Variants in C15orf61 observed in about 807,000 individuals in gnomAD.
The protein encoded by C15orf61 is uncharacterized protein C15orf61.
In C15orf61, 12 loss-of-function variants were observed where a neutral mutation model predicts 13.7. That is an observed-to-expected ratio of 0.88 (90% CI 0.56 to 1.42). C15orf61 has a LOEUF of 1.42. C15orf61 is among the 40% of genes most tolerant of loss of function. The pLI, the probability that C15orf61 is intolerant of heterozygous loss-of-function variation, is 0.00. For missense variants in C15orf61, 248 were observed against 213.2 expected (o/e 1.16, Z -1.02); for synonymous variants, 92 against 94.1 (o/e 0.98, Z 0.13).
rs769695247 is a variant in C15orf61 at position 67,527,570 on chromosome 15, A to G, written c.*1025A>G. ...GTGTTTAAGATTTATGATCTCTCCC[A>G]TAATTACAAACATACATTATATATC... is the stretch of plus-strand genomic sequence containing the variant. On this transcript the variant is annotated 3_prime_UTR_variant, in exon 2 of 2. Transcript: ENST00000342683. The G allele has an allele frequency of 3.9e-5, 6 of 152,196 alleles. No homozygotes were observed. Among genetic ancestry groups the G allele is most frequent in the African/African-American group, 2.4e-5 (1 of 41,462 alleles). The allele number at this position is 152,196 out of a possible 1,614,324, so 9.4% of individuals were successfully genotyped here. A position where few individuals can be genotyped will look rare whatever the true frequency, so the allele number is the denominator to read the frequency against.
rs1042475384 is a variant in C15orf61 at position 67,528,047 on chromosome 15, G to C, written c.*1502G>C. ...TAATGGGCAAAGTTAAATAACTATA[G>C]CTCATAAGTTTTAAGTCAAATACTG... On this transcript the variant is annotated 3_prime_UTR_variant, in exon 2 of 2. Coordinates refer to ENST00000342683, the MANE Select transcript of C15orf61 (RefSeq NM_001143936.2). The C allele has an allele frequency of 6.6e-6, 1 of 152,200 alleles. No homozygotes were observed. Among genetic ancestry groups the C allele is most frequent in the Admixed American group, 6.5e-5 (1 of 15,284 alleles). The allele number at this position is 152,200 out of a possible 1,614,324, so 9.4% of individuals were successfully genotyped here. A position where few individuals can be genotyped will look rare whatever the true frequency, so the allele number is the denominator to read the frequency against.
Position 67,521,289 on chromosome 15 carries a change from T to C in C15orf61, c.41T>C (p.Leu14Pro). The C allele has an allele frequency of 6.8e-7, 1 of 1,480,032 alleles. No individual in the cohort carries two copies. Among genetic ancestry groups the C allele is most frequent in the Non-Finnish European group, 8.9e-7 (1 of 1,118,842 alleles). The allele number at this position is 1,480,032 out of a possible 1,614,324, so 91.7% of individuals were successfully genotyped here. ...LRRAHEVALR[L>P]LLCRPWASRA... Reference sequence around the variant, plus strand: ...AGGGCCCACGAGGTCGCGCTCCGCCTGCTGCTGTGTAGGCCGTGGGCCTCG... The same window carrying C: ...AGGGCCCACGAGGTCGCGCTCCGCCCGCTGCTGTGTAGGCCGTGGGCCTCG... Residue 14 changes from leucine to proline, a missense_variant, in exon 1 of 2, where the codon CTG becomes CCG. Coordinates refer to ENST00000342683, the MANE Select transcript of C15orf61 (RefSeq NM_001143936.2).
chr15:67,523,984 C>A (rs2084184752), intron 1 of C15orf61, among the ~76,000 whole-genome samples: 1 of 152,134 alleles, frequency 6.6e-6, no homozygotes, highest in Non-Finnish European at 1.5e-5. Context: ...AGCTAGTAAT[C>A]TTTGATCAGC....
At chr15:67,522,915 G>T (rs891170758) in intron 1 of C15orf61, among the ~76,000 whole-genome samples, 1 of 152,140 alleles carries the variant, frequency 6.6e-6, no homozygotes, top group Non-Finnish European at 1.5e-5. Flanking sequence ...GCACCTTAAT[G>T]ATTAGGGGCC....
rs1567253713 is a variant in C15orf61 at position 67,526,404 on chromosome 15, CGTTT to C, written c.347-9_347-6del. On this transcript the variant is annotated splice_polypyrimidine_tract_variant and intron_variant, in intron 1 of 1. Transcript: ENST00000342683. ...ATAAGCATTGATGTTTATACATATT[CGTTT>C]GTTTTCTAGGTATTCCAACTTTATT... 6.7e-7 allele frequency: 1 copy of C among 1,485,892 alleles called. No individual in the cohort carries two copies. The highest frequency in any genetic ancestry group is 2.1e-5 in the Admixed American group (1 of 48,020). 92.0% of individuals were successfully genotyped at this position (1,485,892 alleles called of 1,614,324 possible). A position where few individuals can be genotyped will look rare whatever the true frequency, so the allele number is the denominator to read the frequency against.
chr15:67,529,087 A>G lies in C15orf61; in HGVS notation c.*2542A>G, dbSNP rs1179244502. 4 of 152,192 alleles carry G rather than the reference A, an allele frequency of 2.6e-5. No individual in the cohort carries two copies. Among genetic ancestry groups the G allele is most frequent in the Non-Finnish European group, 2.9e-5 (2 of 68,044 alleles). 9.4% of individuals were successfully genotyped at this position (152,192 alleles called of 1,614,324 possible). On this transcript the variant is annotated 3_prime_UTR_variant, in exon 2 of 2. Transcript: ENST00000342683. The surrounding 1 kb of genome is among the most constrained non-coding windows in gnomAD (Gnocchi z 4.4). Reference sequence around the variant, plus strand: ...AGCTTTTCTGTCATATTTCTTTGACAGGATTTTTATCTTTAATCCAACCAA... The same window carrying G: ...AGCTTTTCTGTCATATTTCTTTGACGGGATTTTTATCTTTAATCCAACCAA...
In C15orf61 at chr15:67,524,039, T is replaced by C. The variant is rs191937424; in HGVS notation, c.347-2379T>C. Among the ~76,000 whole-genome samples, 69 of 152,362 alleles carry C rather than the reference T, an allele frequency of 4.5e-4. 1 individual carries two copies. In the East Asian group the frequency reaches 0.011, roughly 25 times the overall value. The stretch of plus-strand genomic sequence containing the variant: ...TATATTGACCGTTTATTTCTGTATT[T>C]GTGATTTTTCAAAAGTATGAATTTT... On this transcript the variant is annotated intron_variant, in intron 1 of 1. Transcript: ENST00000342683.
chr15:67,524,806 T>G (rs904758258), intron 1 of C15orf61, among the ~76,000 whole-genome samples: 2 of 151,772 alleles, frequency 1.3e-5, no homozygotes, highest in Non-Finnish European at 2.9e-5. Context: ...AGCAATATGA[T>G]TAGTCCAGAG....
At chr15:67,521,683 C>T in intron 1 of C15orf61, 89 bp downstream of exon 1, 1 of 1,251,752 alleles carries the variant, frequency 8.0e-7, no homozygotes, top group Admixed American at 2.7e-5. Context: ...CGCTCGCAGG[C>T]CGGTAGAGTC....
At chr15:67,522,770 ATAAG>A (rs1263792643) in intron 1 of C15orf61, among the ~76,000 whole-genome samples, 1 of 152,226 alleles carries the variant, frequency 6.6e-6, no homozygotes, top group East Asian at 1.9e-4. Flanking sequence ...AGCATTTTTC[ATAAG>A]TAAGAAATCA....
chr15:67,522,062 C>T (rs1004750010), intron 1 of C15orf61: 8 of 700,748 alleles, frequency 1.1e-5, no homozygotes, highest in Middle Eastern at 2.3e-4. Flanking sequence ...TATGAATTCC[C>T]GGCAAGTTCG....
chr15:67,526,503 A>T lies in C15orf61; in HGVS notation c.432A>T (p.Thr144=). ...ETVHTSYGPI[T]VYFLNKEDEG... Reference sequence around the variant, plus strand: ...TGCATACCAGTTATGGACCCATAACAGTTTATTTTCTCAATAAAGAAGATG... The same window carrying T: ...TGCATACCAGTTATGGACCCATAACTGTTTATTTTCTCAATAAAGAAGATG... Residue 144 remains threonine (T), a synonymous_variant, in exon 2 of 2, where the codon ACA becomes ACT. Coordinates refer to ENST00000342683, the MANE Select transcript of C15orf61 (RefSeq NM_001143936.2). 1 of 1,539,254 alleles carries T rather than the reference A, an allele frequency of 6.5e-7. No individual in the cohort carries two copies. The highest frequency in any genetic ancestry group is 8.8e-7 in the Non-Finnish European group (1 of 1,139,592).
In C15orf61 at chr15:67,528,865, T is replaced by C. The variant is rs2084213314; in HGVS notation, c.*2320T>C. ...TTTGTCTCTGCAAAAGCTCTGTTTT[T>C]ATAATCCACATTCTTCTGCTCCATT... On this transcript the variant is annotated 3_prime_UTR_variant, in exon 2 of 2. Transcript: ENST00000342683. The C allele has an allele frequency of 6.6e-6, 1 of 152,254 alleles. No homozygotes were observed. The highest frequency in any genetic ancestry group is 1.5e-5 in the Non-Finnish European group (1 of 68,046). 9.4% of individuals were successfully genotyped at this position (152,254 alleles called of 1,614,324 possible).
rs2084218262 is a variant in C15orf61 at position 67,529,705 on chromosome 15, GC to G, written c.*3162del. 1 of 152,262 alleles carries G rather than the reference GC, an allele frequency of 6.6e-6. No homozygotes were observed. The highest frequency in any genetic ancestry group is 1.5e-5 in the Non-Finnish European group (1 of 68,062). The allele number at this position is 152,262 out of a possible 1,614,324, so 9.4% of individuals were successfully genotyped here. A position where few individuals can be genotyped will look rare whatever the true frequency, so the allele number is the denominator to read the frequency against. ...CAAAGTGCTGGGATTACAGGCATGA[GC>G]CACCAGGCCTAGCTGAAACATTTGT... On this transcript the variant is annotated 3_prime_UTR_variant, in exon 2 of 2. Coordinates refer to ENST00000342683, the MANE Select transcript of C15orf61 (RefSeq NM_001143936.2). This position sits in a 1 kb window ranked among gnomAD's most constrained non-coding sequence, Gnocchi z 4.4.
intron 1 of C15orf61, 55 bp downstream of exon 1, chr15:67,521,649 C>G: frequency 7.2e-7 from 1 of 1,395,624 alleles, no homozygotes. Context: ...GGGACGGCCC[C>G]TCAGCCACCG....
Position 67,530,033 on chromosome 15 carries a change from C to T in C15orf61, c.*3488C>T, listed in dbSNP as rs2084220452. On this transcript the variant is annotated 3_prime_UTR_variant, in exon 2 of 2. Coordinates refer to ENST00000342683, the MANE Select transcript of C15orf61 (RefSeq NM_001143936.2). ...TAAACAAGTACTTAGCATTACATCT[C>T]ACCTGGGTCAACAGTCTAGAGTATC... The T allele has an allele frequency of 6.6e-6, 1 of 152,216 alleles. No homozygotes were observed. The highest frequency in any genetic ancestry group is 6.5e-5 in the Admixed American group (1 of 15,288). 9.4% of individuals were successfully genotyped at this position (152,216 alleles called of 1,614,324 possible).
intron 1 of C15orf61, among the ~76,000 whole-genome samples, chr15:67,526,012 C>CACAAACAA (rs917040189): frequency 1.3e-5 from 2 of 152,134 alleles, no homozygotes; most frequent in Non-Finnish European, 2.9e-5. Flanking sequence ...GACTCCATCT[C>CACAAACAA]ACAAACAAAC....
chr15:67,521,697 C>G lies in C15orf61; in HGVS notation c.346+103C>G. 4 of 1,181,626 alleles carry G rather than the reference C, an allele frequency of 3.4e-6. No individual in the cohort carries two copies. In the South Asian group the frequency reaches 6.3e-5, roughly 19 times the overall value. 73.2% of individuals were successfully genotyped at this position (1,181,626 alleles called of 1,614,324 possible). On this transcript the variant is annotated intron_variant, in intron 1 of 1. Coordinates refer to ENST00000342683, the MANE Select transcript of C15orf61 (RefSeq NM_001143936.2). ...ACGCTCGCAGGCCGGTAGAGTCCCG[C>G]GGGAGTCAGCTCTGCCTCCCGGCGC...
At position 67,528,523 on chromosome 15, in the gene C15orf61, T is replaced by C. The variant is rs1176485991; in HGVS notation, c.*1978T>C. On this transcript the variant is annotated 3_prime_UTR_variant, in exon 2 of 2. Transcript: ENST00000342683. Reference sequence around the variant, plus strand: ...AACTCAACAATGGGTAAAGGCGTGGTTTAAAAATTTAAATATCATTCATTG... The same window carrying C: ...AACTCAACAATGGGTAAAGGCGTGGCTTAAAAATTTAAATATCATTCATTG... The C allele has an allele frequency of 2.6e-5, 4 of 152,238 alleles. No individual in the cohort carries two copies. The highest frequency in any genetic ancestry group is 2.6e-4 in the Admixed American group (4 of 15,278). The allele number at this position is 152,238 out of a possible 1,614,324, so 9.4% of individuals were successfully genotyped here.
Sources: gnomAD v4.1 joint callset for allele counts (sites outside exome capture counted in the v4.1 genomes callset) on GRCh38, gnomAD v4.1.1 for gene constraint, Gnocchi (gnomAD v3.1) non-coding constraint, MANE v1.5 for transcripts, NCBI Gene and HGNC (gene_info 2026-07-23, HGNC 2026-07-21) for gene names.